The following KIF21B variants were observed in gnomAD, a reference collection of about 807,000 sequenced individuals.
KIF21B encodes kinesin family member 21B.
In KIF21B, 85 loss-of-function variants were observed where a neutral mutation model predicts 192.9. The ratio of observed to expected loss-of-function variants is 0.44; its 90% CI spans 0.37 to 0.53. KIF21B has a LOEUF of 0.53. Ranked by LOEUF, KIF21B falls within the 20% of genes least tolerant of loss-of-function variation. The pLI is 0.00. For missense variants in KIF21B, 1,716 were observed against 2,194.8 expected (o/e 0.78, Z 4.36); for synonymous variants, 832 against 884.6 (o/e 0.94, Z 1.05).
rs1454307944 is a variant in KIF21B, at chr1:201,005,067, C to A, written c.733-134G>T. On this transcript the variant is annotated intron_variant, in intron 5 of 34. Transcript: ENST00000461742. ...CCCTTCGCACATGCAGAGCATCTGA[C>A]AATGTGCACAGTATTTGCACAAGCC... 40 of 1,077,752 alleles carry A rather than the reference C, an allele frequency of 3.7e-5. No homozygotes were observed. In the Admixed American group the frequency reaches 3.9e-4, roughly 10 times the overall value. The allele number at this position is 1,077,752 out of a possible 1,614,324, so 66.8% of individuals were successfully genotyped here.
intron 14 of KIF21B, among the ~76,000 whole-genome samples, chr1:200,996,920 C>T (rs1428589556): frequency 6.6e-6 from 1 of 152,200 alleles, no homozygotes; most frequent in African/African-American, 2.4e-5. Flanking sequence ...CACAGCATCA[C>T]GCTCCTTCCA....
At chr1:201,004,615 G>A (rs956064042) in intron 6 of KIF21B, 151 bp downstream of exon 6, 1 of 1,164,602 alleles carries the variant, frequency 8.6e-7, no homozygotes, top group Admixed American at 2.1e-5. Context: ...GGTGAAATGG[G>A]GAAGCTGGGG....
Position 201,000,834 on chromosome 1 carries a change from G to A in KIF21B, c.1403-54C>T, listed in dbSNP as rs1657451199. ...CGATAAAGAAGATAAATAGGCCAGC[G>A]CGGTGGCTCAGACCTATAATTCCAG... On this transcript the variant is annotated intron_variant, in intron 9 of 34. Transcript: ENST00000461742. This position sits in a 1 kb window ranked among gnomAD's most constrained non-coding sequence, Gnocchi z 6.0. 3.1e-6 allele frequency: 5 copies of A among 1,588,978 alleles called. No homozygotes were observed. The highest frequency in any genetic ancestry group is 1.1e-5 in the South Asian group (1 of 90,608).
chr1:201,009,251 G>C lies in KIF21B; in HGVS notation c.264+15C>G, dbSNP rs35918012. 36,264 of 1,610,172 alleles carry C rather than the reference G, an allele frequency of 0.023. 469 individuals are homozygous for C. Among genetic ancestry groups the C allele is most frequent in the Non-Finnish European group, 0.027 (31,428 of 1,176,972 alleles). On this transcript the variant is annotated intron_variant, in intron 2 of 34. Coordinates refer to ENST00000461742, the MANE Select transcript of KIF21B (RefSeq NM_001252102.2). ...AAGGCTGGAGCCGCCATAGGTGGGCGTGAAGATGGCTTACCTGCCCATAGG... is the reference window on the plus strand; with the variant it reads ...AAGGCTGGAGCCGCCATAGGTGGGCCTGAAGATGGCTTACCTGCCCATAGG...
At position 201,000,786 on chromosome 1, in the gene KIF21B, G is replaced by A; in HGVS notation, c.1403-6C>T. ...AATGGCCTCATTGCCATCGCCTGGA[G>A]TGGGACGGCGGGAAGAAGGGTGCGA... On this transcript the variant is annotated splice_region_variant and splice_polypyrimidine_tract_variant and intron_variant, in intron 9 of 34. Coordinates refer to ENST00000461742, the MANE Select transcript of KIF21B (RefSeq NM_001252102.2). This position sits in a 1 kb window ranked among gnomAD's most constrained non-coding sequence, Gnocchi z 6.0. The A allele has an allele frequency of 6.2e-7, 1 of 1,614,182 alleles. No individual in the cohort carries two copies. The highest frequency in any genetic ancestry group is 1.6e-4 in the Middle Eastern group (1 of 6,062).
rs771817584 is a variant in KIF21B, at chr1:200,988,762, G to A, written c.3298+4C>T. 3.4e-5 allele frequency: 54 copies of A among 1,608,502 alleles called. 1 individual carries two copies. The East Asian group carries it at 4.0e-4, about 12-fold the overall frequency. On this transcript the variant is annotated splice_donor_region_variant and intron_variant, in intron 22 of 34. Coordinates refer to ENST00000461742, the MANE Select transcript of KIF21B (RefSeq NM_001252102.2). ...TGGCAGCTTCCAACCGCCCCTACCC[G>A]TACCCTGCTGCACATTGTAGATGAG... is the stretch of plus-strand genomic sequence containing the variant.
intron 15 of KIF21B, among the ~76,000 whole-genome samples, chr1:200,993,441 A>T (rs754415423): frequency 9.2e-5 from 14 of 152,158 alleles, no homozygotes; most frequent in Non-Finnish European, 1.8e-4. Flanking sequence ...TGCCCTCAAA[A>T]CAGTCAAGAA....
rs1243598119 is a variant in KIF21B, at chr1:200,998,661, C to T, written c.1886-86G>A. ...TGTGCCAGTGCTGGGGAGCTGGGAC[C>T]CTCCTTTGGTCAGCCATGACCAATC... is the stretch of plus-strand genomic sequence containing the variant. On this transcript the variant is annotated intron_variant, in intron 13 of 34. Coordinates refer to ENST00000461742, the MANE Select transcript of KIF21B (RefSeq NM_001252102.2). This position sits in a 1 kb window ranked among gnomAD's most constrained non-coding sequence, Gnocchi z 4.3. 1 of 1,263,846 alleles carries T rather than the reference C, an allele frequency of 7.9e-7. No homozygotes were observed. The highest frequency in any genetic ancestry group is 1.3e-5 in the South Asian group (1 of 76,734). The allele number at this position is 1,263,846 out of a possible 1,614,324, so 78.3% of individuals were successfully genotyped here.
intron 21 of KIF21B, among the ~76,000 whole-genome samples, 198 bp from the exon 22 acceptor site, chr1:200,989,129 G>A (rs1269866838): frequency 6.6e-6 from 1 of 152,076 alleles, no homozygotes; most frequent in African/African-American, 2.4e-5. Flanking sequence ...GGTCACCTTA[G>A]GACATACCCT....
At chr1:200,989,149 T>G (rs947551040) in intron 21 of KIF21B, among the ~76,000 whole-genome samples, 1 of 152,146 alleles carries the variant, frequency 6.6e-6, no homozygotes, top group South Asian at 2.1e-4. Context: ...TATTATGGGC[T>G]AGGTTATGTC....
chr1:200,980,873 T>A, intron 29 of KIF21B, 87 bp downstream of exon 29: 1 of 1,516,918 alleles, frequency 6.6e-7, no homozygotes, highest in Non-Finnish European at 8.9e-7. Context: ...CTCTATGTTC[T>A]TTTCTCCTTC....
chr1:200,981,538 T>C (rs988216645), intron 28 of KIF21B, among the ~76,000 whole-genome samples: 1 of 152,078 alleles, frequency 6.6e-6, no homozygotes, highest in Non-Finnish European at 1.5e-5. Context: ...TAACCGAGTG[T>C]GAGGGAGGGG....
At position 200,990,992 on chromosome 1, in the gene KIF21B, C is replaced by T. The variant is rs1465720206; in HGVS notation, c.2612G>A (p.Arg871His). 14 of 1,614,044 alleles carry T rather than the reference C, an allele frequency of 8.7e-6. No homozygotes were observed. The highest frequency in any genetic ancestry group is 2.2e-5 in the East Asian group (1 of 44,902). ...GTGGTTGATTTTGCGGTTCCACTGG[C>T]GCACGATGCTGGAGACAGAGCGGGC... ...SGARSVSSIV[R>H]QWNRKINHFL... is the part of the protein sequence containing the mutation. Residue 871 changes from arginine to histidine, a missense_variant, in exon 18 of 35, where the codon CGC (arginine) becomes CAC (histidine). Around this residue, in one of 3 missense-constraint regions of KIF21B, gnomAD observed 1,087 missense variants for 1,316.6 expected, o/e 0.83. Coordinates refer to ENST00000461742, the MANE Select transcript of KIF21B (RefSeq NM_001252102.2). This position sits in a 1 kb window ranked among gnomAD's most constrained non-coding sequence, Gnocchi z 5.4.
Position 200,999,822 on chromosome 1 carries a change from C to T in KIF21B, c.1767+61G>A. 1.3e-6 allele frequency: 2 copies of T among 1,587,098 alleles called. No homozygotes were observed. Among genetic ancestry groups the T allele is most frequent in the Non-Finnish European group, 1.7e-6 (2 of 1,159,966 alleles). On this transcript the variant is annotated intron_variant, in intron 12 of 34. Coordinates refer to ENST00000461742, the MANE Select transcript of KIF21B (RefSeq NM_001252102.2). This position sits in a 1 kb window ranked among gnomAD's most constrained non-coding sequence, Gnocchi z 4.7. ...TACAAGGATGCGGATGGGGCCCCCG[C>T]CAACCCCAGCAGGGACACAAGGCAT...
chr1:201,018,208 G>C (rs1301074500), intron 1 of KIF21B, among the ~76,000 whole-genome samples: 1 of 152,220 alleles, frequency 6.6e-6, no homozygotes, highest in Admixed American at 6.5e-5. Flanking sequence ...GAGGTGGGGG[G>C]CCAGCAAAAG....
chr1:200,995,049 G>A (rs572355363), intron 15 of KIF21B, among the ~76,000 whole-genome samples: 7 of 152,310 alleles, frequency 4.6e-5, no homozygotes, highest in Non-Finnish European at 8.8e-5. Flanking sequence ...TGAAGCCTCC[G>A]GACCTGCAGC....
intron 16 of KIF21B, 98 bp from the exon 17 acceptor site, chr1:200,991,823 T>G: frequency 1.7e-6 from 2 of 1,211,748 alleles, no homozygotes; most frequent in Non-Finnish European, 1.2e-6. Context: ...AAGCCTGGGC[T>G]TCAGGGTGAT....
Position 200,998,611 on chromosome 1 carries a change from G to C in KIF21B, c.1886-36C>G, listed in dbSNP as rs369779045. The C allele has an allele frequency of 1.9e-6, 3 of 1,593,444 alleles. No homozygotes were observed. The highest frequency in any genetic ancestry group is 3.4e-5 in the Admixed American group (2 of 59,642). ...ACAATCAGGCTCAGCCCAGCGTTAG[G>C]GCGAGGGGCAAATTGGGGAGCAGAT... is the stretch of plus-strand genomic sequence containing the variant. On this transcript the variant is annotated intron_variant, in intron 13 of 34. Coordinates refer to ENST00000461742, the MANE Select transcript of KIF21B (RefSeq NM_001252102.2). The surrounding 1 kb of genome is among the most constrained non-coding windows in gnomAD (Gnocchi z 4.3).
In KIF21B at chr1:200,990,419, T is replaced by TGTGA; in HGVS notation, c.2836-88_2836-87insTCAC. Reference sequence around the variant, plus strand: ...CCTGCCCATAGCTTCCACCACAGGCTGGCCTGTGAGGTCCCCCCAGCACCT... The same window carrying TGTGA: ...CCTGCCCATAGCTTCCACCACAGGCTGTGAGGCCTGTGAGGTCCCCCCAGCACCT... On this transcript the variant is annotated intron_variant, in intron 19 of 34. Coordinates refer to ENST00000461742, the MANE Select transcript of KIF21B (RefSeq NM_001252102.2). The surrounding 1 kb of genome is among the most constrained non-coding windows in gnomAD (Gnocchi z 5.4). 1 of 1,474,334 alleles carries TGTGA rather than the reference T, an allele frequency of 6.8e-7. No individual in the cohort carries two copies. The highest frequency in any genetic ancestry group is 9.2e-7 in the Non-Finnish European group (1 of 1,087,264). The allele number at this position is 1,474,334 out of a possible 1,614,324, so 91.3% of individuals were successfully genotyped here. A position where few individuals can be genotyped will look rare whatever the true frequency, so the allele number is the denominator to read the frequency against.
Sources: allele counts gnomAD v4.1 joint callset (sites outside exome capture counted in the v4.1 genomes callset), GRCh38; gene constraint gnomAD v4.1.1; regional missense constraint gnomAD v4.1.1; non-coding constraint Gnocchi (gnomAD v3.1); transcripts MANE v1.5; gene names NCBI Gene and HGNC (gene_info 2026-07-23, HGNC 2026-07-21).